The following CIRSR variants were observed in gnomAD, a reference collection of about 807,000 sequenced individuals.
CIRSR encodes corepressor of RBPJ and splicing regulator, also known as CBF1 (RBPJ) interacting corepressor 1.
chr2:174,377,253 G>A, the CIRSR span, among the ~76,000 whole-genome samples: 1 of 152,198 alleles, frequency 6.6e-6, no homozygotes, highest in Non-Finnish European at 1.5e-5. Context: ...GAAGTGGTCA[G>A]AAATATTTGA....
At chr2:174,386,737 A>G in the CIRSR span, among the ~76,000 whole-genome samples, 1 of 152,236 alleles carries the variant, frequency 6.6e-6, no homozygotes, top group African/African-American at 2.4e-5. Flanking sequence ...AATCCTTATC[A>G]TTCTTCAGAG....
At chr2:174,393,881 A>T in the CIRSR span, among the ~76,000 whole-genome samples, 1 of 152,188 alleles carries the variant, frequency 6.6e-6, no homozygotes, top group East Asian at 1.9e-4. Flanking sequence ...CATTTAATAT[A>T]GTTCCTTTAT....
the CIRSR span, among the ~76,000 whole-genome samples, chr2:174,386,930 C>A: frequency 6.6e-6 from 1 of 152,128 alleles, no homozygotes; most frequent in South Asian, 2.1e-4. Flanking sequence ...ATAAACTACA[C>A]TTCACACACT....
the CIRSR span, among the ~76,000 whole-genome samples, chr2:174,372,555 T>A: frequency 6.6e-6 from 1 of 152,226 alleles, no homozygotes; most frequent in African/African-American, 2.4e-5. Context: ...CAATATTCTA[T>A]AATTACTCAC....
At chr2:174,395,291 G>A in the CIRSR span, among the ~76,000 whole-genome samples, 3 of 152,220 alleles carry the variant, frequency 2.0e-5, no homozygotes, top group African/African-American at 4.8e-5. Flanking sequence ...TTTGACATTA[G>A]TCTTCGCATA....
chr2:174,355,956 C>T, the CIRSR span, among the ~76,000 whole-genome samples: 2 of 152,202 alleles, frequency 1.3e-5, no homozygotes, highest in Admixed American at 6.5e-5. Context: ...CTGCTCCATT[C>T]GAAGTTCATC....
chr2:174,350,600 C>T, the CIRSR span: 27 of 1,080,006 alleles, frequency 2.5e-5, no homozygotes, highest in Admixed American at 4.5e-4. Flanking sequence ...GAGTTGAATA[C>T]GATACTGAGA....
the CIRSR span, chr2:174,351,669 G>A: frequency 3.1e-6 from 5 of 1,613,730 alleles, no homozygotes; most frequent in Non-Finnish European, 8.5e-7. Flanking sequence ...TTTCGTTTCA[G>A]TGCAAACCCA....
the CIRSR span, among the ~76,000 whole-genome samples, chr2:174,375,699 G>A: frequency 5.9e-5 from 9 of 152,150 alleles, no homozygotes; most frequent in African/African-American, 1.9e-4. Context: ...ACCAAGGTTC[G>A]ATGGGCAAAA....
the CIRSR span, among the ~76,000 whole-genome samples, chr2:174,356,527 G>GA: frequency 2.2e-4 from 31 of 140,030 alleles, no homozygotes; most frequent in Non-Finnish European, 3.9e-4. Flanking sequence ...AAGAAAGAAA[G>GA]AAGAAAGGAA....
the CIRSR span, among the ~76,000 whole-genome samples, chr2:174,359,799 T>C: frequency 2.0e-5 from 3 of 152,126 alleles, no homozygotes; most frequent in Non-Finnish European, 4.4e-5. Context: ...AGCAAAGACT[T>C]GGAACCAAAG....
the CIRSR span, among the ~76,000 whole-genome samples, chr2:174,395,083 C>A: frequency 6.6e-6 from 1 of 152,120 alleles, no homozygotes; most frequent in Non-Finnish European, 1.5e-5. Context: ...AACTGGTAGA[C>A]CTGTAATTAT....
At chr2:174,355,361 T>C in the CIRSR span, among the ~76,000 whole-genome samples, 6 of 152,206 alleles carry the variant, frequency 3.9e-5, no homozygotes, top group African/African-American at 1.4e-4. Flanking sequence ...AGAATAATAC[T>C]AGAGAATTCA....
the CIRSR span, among the ~76,000 whole-genome samples, chr2:174,379,713 T>C: frequency 7.0e-6 from 1 of 143,376 alleles, no homozygotes; most frequent in Admixed American, 7.5e-5. Flanking sequence ...GTTTGATTCC[T>C]GTCTTTTTTT....
chr2:174,383,924 G>C, the CIRSR span, among the ~76,000 whole-genome samples: 1 of 150,620 alleles, frequency 6.6e-6, no homozygotes, highest in Non-Finnish European at 1.5e-5. Context: ...TCCATTACTA[G>C]TAGGAAATGT....
At chr2:174,349,084 T>A in the CIRSR span, 1 of 1,553,456 alleles carries the variant, frequency 6.4e-7, no homozygotes, top group Non-Finnish European at 8.7e-7. Flanking sequence ...GAAGAGGACT[T>A]ATGTTTTTTG....
chr2:174,374,657 C>T, the CIRSR span, among the ~76,000 whole-genome samples: 1 of 152,188 alleles, frequency 6.6e-6, no homozygotes, highest in East Asian at 1.9e-4. Flanking sequence ...TATGGAGCTA[C>T]AAAGATGCCT....
the CIRSR span, among the ~76,000 whole-genome samples, chr2:174,372,548 T>G: frequency 6.6e-6 from 1 of 152,212 alleles, no homozygotes; most frequent in Non-Finnish European, 1.5e-5. Context: ...ACTGTAACAA[T>G]ATTCTATAAT....
chr2:174,361,896 G>T, the CIRSR span, among the ~76,000 whole-genome samples: 13 of 151,980 alleles, frequency 8.6e-5, no homozygotes, highest in Non-Finnish European at 1.6e-4. Flanking sequence ...AGTGTATCTG[G>T]TGACATTATT....
Sources: allele counts gnomAD v4.1 joint callset (sites outside exome capture counted in the v4.1 genomes callset), GRCh38; gene constraint gnomAD v4.1.1; transcripts MANE v1.5; gene names NCBI Gene and HGNC (gene_info 2026-07-23, HGNC 2026-07-21).